LGI3: variants seen among roughly 807,000 people sequenced by gnomAD.
LGI3 encodes leucine-rich repeat LGI family member 3.
LGI3 carries 47 observed loss-of-function variants against 55.4 expected under a neutral mutation model. The observed-to-expected ratio is 0.85, with a 90% confidence interval of 0.67 to 1.08. The LOEUF (loss-of-function observed/expected upper bound fraction) is 1.08, where lower values mean the gene tolerates loss of function less well. Ranked by LOEUF, LGI3 falls within the 50% of genes least tolerant of loss-of-function variation. LGI3 has a pLI of 0.00. For synonymous variants in LGI3, 326 were observed against 315.0 expected, an observed-to-expected ratio of 1.04 and a Z score of -0.37; for missense variants, 664 against 726.3, an observed-to-expected ratio of 0.91 and a Z score of 0.99.
chr8:22,156,047 C>T (rs1043889830), intron 1 of LGI3, among the ~76,000 whole-genome samples: 2 of 152,190 alleles, frequency 1.3e-5, no homozygotes, highest in Non-Finnish European at 2.9e-5. Context: ...GTGTAAGCAA[C>T]CCCCCCAAGT....
At position 22,146,924 on chromosome 8, in the gene LGI3, G is replaced by A. The variant is rs1243557811; in HGVS notation, c.*1236C>T. 6.6e-6 allele frequency: 1 copy of A among 152,210 alleles called. No homozygotes were observed. Among genetic ancestry groups the A allele is most frequent in the Non-Finnish European group, 1.5e-5 (1 of 68,042 alleles). The allele number at this position is 152,210 out of a possible 1,614,324, so 9.4% of individuals were successfully genotyped here. On this transcript the variant is annotated 3_prime_UTR_variant, in exon 8 of 8. Transcript: ENST00000306317. ...GCTACAAGGAGCATCACACCATTTG[G>A]GCACATGGTGTGCCCTCTCCACTAG...
At position 22,148,787 on chromosome 8, in the gene LGI3, G is replaced by A. The variant is rs1827340466; in HGVS notation, c.1020C>T (p.Asp340=). The A allele has an allele frequency of 6.2e-7, 1 of 1,614,212 alleles. No homozygotes were observed. The highest frequency in any genetic ancestry group is 8.5e-7 in the Non-Finnish European group (1 of 1,180,040). ...AGCTGTCAGCCACGGCAAAGTACCA[G>A]TCACCGTCGATGCGGAAGGCTTCTA... is the stretch of plus-strand genomic sequence containing the variant. ...NDLEAFRIDG[D]WYFAVADSSK... Residue 340 remains aspartate (D), a synonymous_variant, in exon 8 of 8, where the codon GAC becomes GAT. Coordinates refer to ENST00000306317, the MANE Select transcript of LGI3 (RefSeq NM_139278.4). This position sits in a 1 kb window ranked among gnomAD's most constrained non-coding sequence, Gnocchi z 7.0.
chr8:22,149,987 G>A (rs56085103), intron 7 of LGI3, among the ~76,000 whole-genome samples: 19,251 of 152,008 alleles, frequency 0.13, 1,348 homozygotes, highest in Middle Eastern at 0.19. Flanking sequence ...CATACCCATC[G>A]CTGAGCCTGC....
Position 22,148,132 on chromosome 8 carries a change from C to A in LGI3, c.*28G>T, listed in dbSNP as rs1827329183. The A allele has an allele frequency of 6.5e-7, 1 of 1,547,014 alleles. No individual in the cohort carries two copies. The highest frequency in any genetic ancestry group is 8.7e-7 in the Non-Finnish European group (1 of 1,147,636). On this transcript the variant is annotated 3_prime_UTR_variant, in exon 8 of 8. Transcript: ENST00000306317. This position sits in a 1 kb window ranked among gnomAD's most constrained non-coding sequence, Gnocchi z 7.0. ...CCCCACCCATCCTCCAGTGGCCACC[C>A]TGAGGAGACCAGAGGCCTCGGCACC...
At position 22,148,401 on chromosome 8, in the gene LGI3, G is replaced by A. The variant is rs866637516; in HGVS notation, c.1406C>T (p.Ala469Val). Residue 469 changes from alanine to valine, a missense_variant, in exon 8 of 8, where the codon GCC (alanine) becomes GTC (valine). Ala to Val is a moderately conservative substitution (Grantham distance 64, BLOSUM62 0). Transcript: ENST00000306317. This position sits in a 1 kb window ranked among gnomAD's most constrained non-coding sequence, Gnocchi z 7.0. ...VQALPSRGSL[A>V]LQPFLVGGRR... Reference sequence around the variant, plus strand: ...GCCACCCACAAGGAAGGGCTGCAGGGCCAGCGAGCCCCGGGAGGGCAGGGC... The same window carrying A: ...GCCACCCACAAGGAAGGGCTGCAGGACCAGCGAGCCCCGGGAGGGCAGGGC... The A allele has an allele frequency of 3.7e-6, 6 of 1,612,814 alleles. No homozygotes were observed. Among genetic ancestry groups the A allele is most frequent in the Non-Finnish European group, 5.1e-6 (6 of 1,179,840 alleles).
rs187550201 is a variant in LGI3, at chr8:22,153,036, C to A, written c.494+932G>T. On this transcript the variant is annotated intron_variant, in intron 5 of 7. Coordinates refer to ENST00000306317, the MANE Select transcript of LGI3 (RefSeq NM_139278.4). ...CTGCACTTCAGCCTGGGTGACAGAG[C>A]GAGACTCTGTCTAAAAAAAAAAAAA... Among the ~76,000 whole-genome samples, 5 of 142,158 alleles carry A rather than the reference C, an allele frequency of 3.5e-5. No homozygotes were observed. In the East Asian group the frequency reaches 8.3e-4, roughly 23 times the overall value. 93.3% of individuals were successfully genotyped at this position (142,158 alleles called of 152,430 possible). A position where few individuals can be genotyped will look rare whatever the true frequency, so the allele number is the denominator to read the frequency against.
chr8:22,155,514 G>C, intron 1 of LGI3, 51 bp from the exon 2 acceptor site: 1 of 1,480,820 alleles, frequency 6.8e-7, no homozygotes, highest in Non-Finnish European at 9.4e-7. Context: ...GCTGTGCTGA[G>C]GCAGGGAGAG....
At chr8:22,149,055 T>C in intron 7 of LGI3, 78 bp from the exon 8 acceptor site, 1 of 1,046,256 alleles carries the variant, frequency 9.6e-7, no homozygotes, top group Non-Finnish European at 1.4e-6. Flanking sequence ...AGAAGGCCAG[T>C]CCCTTCCAAA....
At position 22,151,475 on chromosome 8, in the gene LGI3, T is replaced by C. The variant is rs1827376763; in HGVS notation, c.829+14A>G. 9.9e-6 allele frequency: 16 copies of C among 1,610,970 alleles called. No individual in the cohort carries two copies. Among genetic ancestry groups the C allele is most frequent in the Middle Eastern group, 1.7e-4 (1 of 6,044 alleles). On this transcript the variant is annotated intron_variant, in intron 7 of 7. Coordinates refer to ENST00000306317, the MANE Select transcript of LGI3 (RefSeq NM_139278.4). The stretch of plus-strand genomic sequence containing the variant: ...CCTAGCAAGGGCCAGCAGAACCAGA[T>C]TGGGCGCAGGTACCTGGGATTCTAT...
chr8:22,148,753 C>T lies in LGI3; in HGVS notation c.1054G>A (p.Gly352Ser). The change falls in exon 8 of 8, where the codon GGC becomes AGC. Residue 352 changes from glycine (G) to serine (S), a missense_variant. Transcript: ENST00000306317. This position sits in a 1 kb window ranked among gnomAD's most constrained non-coding sequence, Gnocchi z 7.0. The stretch of plus-strand genomic sequence containing the variant: ...TGCCAGCGGTAGAGGCTGGTGGCGC[C>T]TGCCTTGGAGCTGTCAGCCACGGCA... ...YFAVADSSKA[G>S]ATSLYRWHQN... The T allele has an allele frequency of 1.9e-6, 3 of 1,614,204 alleles. No homozygotes were observed. Among genetic ancestry groups the T allele is most frequent in the Middle Eastern group, 1.7e-4 (1 of 6,060 alleles).
chr8:22,147,772 C>A lies in LGI3; in HGVS notation c.*388G>T. 5.2e-6 allele frequency: 1 copy of A among 193,790 alleles called. No homozygotes were observed. Among genetic ancestry groups the A allele is most frequent in the Non-Finnish European group, 1.1e-5 (1 of 93,664 alleles). The allele number at this position is 193,790 out of a possible 1,614,324, so 12.0% of individuals were successfully genotyped here. On this transcript the variant is annotated 3_prime_UTR_variant, in exon 8 of 8. Transcript: ENST00000306317. ...GAGCAGGTAAACAATGCCTGGAGCA[C>A]CAACAGGAAAGACCAGAGGGGCAGA...
intron 2 of LGI3, 56 bp from the exon 3 acceptor site, chr8:22,154,687 C>T: frequency 2.2e-6 from 3 of 1,340,884 alleles, no homozygotes; most frequent in Non-Finnish European, 3.2e-6. Context: ...TGCCCCAGCC[C>T]CCAGCCCGCT....
chr8:22,153,562 C>A (rs1294480405), intron 5 of LGI3, among the ~76,000 whole-genome samples: 2 of 151,816 alleles, frequency 1.3e-5, no homozygotes, highest in Non-Finnish European at 2.9e-5. Context: ...ATTAGCCGGG[C>A]GTGGTGGCGC....
intron 5 of LGI3, among the ~76,000 whole-genome samples, chr8:22,152,689 G>A (rs990660689): frequency 3.4e-5 from 5 of 148,420 alleles, no homozygotes; most frequent in South Asian, 4.3e-4. Context: ...TGCAGTGAGC[G>A]GAGATCACGC....
intron 6 of LGI3, 70 bp from the exon 7 acceptor site, chr8:22,151,723 G>A (rs1241578379): frequency 6.3e-7 from 1 of 1,576,484 alleles, no homozygotes; most frequent in African/African-American, 1.3e-5. Context: ...GATGGTGGTT[G>A]CTTTACTGCT....
intron 5 of LGI3, 128 bp downstream of exon 5, chr8:22,153,840 G>C: frequency 1.1e-6 from 1 of 906,992 alleles, no homozygotes; most frequent in Non-Finnish European, 1.8e-6. Context: ...ACCTCCTCAG[G>C]GTCCCCCCAC....
rs2131797412 is a variant in LGI3, at chr8:22,155,194, GTCC to G, written c.278+195_278+197del. The G allele has an allele frequency of 5.0e-6, 3 of 603,990 alleles. No individual in the cohort carries two copies. The East Asian group carries it at 8.5e-5, about 17-fold the overall frequency. The allele number at this position is 603,990 out of a possible 1,614,324, so 37.4% of individuals were successfully genotyped here. On this transcript the variant is annotated intron_variant, in intron 2 of 7. Coordinates refer to ENST00000306317, the MANE Select transcript of LGI3 (RefSeq NM_139278.4). ...TGGCTTCTCTGTGCCATCCCTAGCTGTCCTCCTGCTGCCCCGACTCCCCTGACT... is the reference window on the plus strand; with the variant it reads ...TGGCTTCTCTGTGCCATCCCTAGCTGTCCTGCTGCCCCGACTCCCCTGACT...
chr8:22,148,506 T>C lies in LGI3; in HGVS notation c.1301A>G (p.Asp434Gly). Residue 434 changes from aspartate to glycine, a missense_variant, in exon 8 of 8, where the codon GAC becomes GGC. Physicochemically the swap from Asp to Gly is moderately conservative, Grantham distance 94. Coordinates refer to ENST00000306317, the MANE Select transcript of LGI3 (RefSeq NM_139278.4). The surrounding 1 kb of genome is among the most constrained non-coding windows in gnomAD (Gnocchi z 7.0). ...QAVKHFRAGRDSYLCLSRYIG... is the reference protein window; with the variant it reads ...QAVKHFRAGRGSYLCLSRYIG... ...GTAGCGGCTGAGGCACAGGTAGCTG[T>C]CGCGGCCGGCACGAAAGTGTTTCAC... 1 of 1,613,232 alleles carries C rather than the reference T, an allele frequency of 6.2e-7. No homozygotes were observed. Among genetic ancestry groups the C allele is most frequent in the South Asian group, 1.1e-5 (1 of 91,036 alleles).
rs879236116 is a variant in LGI3 at position 22,151,340 on chromosome 8, G to C, written c.829+149C>G. On this transcript the variant is annotated intron_variant, in intron 7 of 7. Transcript: ENST00000306317. Reference sequence around the variant, plus strand: ...ATGGATGTTATCGGTGTATACATTGGCCTCTTCCCAAAGACTGGAAAGTTC... The same window carrying C: ...ATGGATGTTATCGGTGTATACATTGCCCTCTTCCCAAAGACTGGAAAGTTC... 32 of 712,604 alleles carry C rather than the reference G, an allele frequency of 4.5e-5. No individual in the cohort carries two copies. In the South Asian group the frequency reaches 5.3e-4, roughly 12 times the overall value. 44.1% of individuals were successfully genotyped at this position (712,604 alleles called of 1,614,324 possible).
Sources: gnomAD v4.1 joint callset for allele counts (sites outside exome capture counted in the v4.1 genomes callset) on GRCh38, gnomAD v4.1.1 for gene constraint, Gnocchi (gnomAD v3.1) non-coding constraint, MANE v1.5 for transcripts, NCBI Gene and HGNC (gene_info 2026-07-23, HGNC 2026-07-21) for gene names.